The following LIN7A variants were observed in gnomAD, a reference collection of about 807,000 sequenced individuals.
LIN7A encodes lin-7 cell polarity scaffold A.
LIN7A carries 25 observed loss-of-function variants against 29.8 expected under a neutral mutation model. The ratio of observed to expected loss-of-function variants is 0.84; its 90% CI spans 0.61 to 1.17. The LOEUF (loss-of-function observed/expected upper bound fraction) is 1.17, where lower values mean the gene tolerates loss of function less well. LIN7A is among the 50% of genes most tolerant of loss of function. The pLI, the probability that LIN7A is intolerant of heterozygous loss-of-function variation, is 0.00. For synonymous variants in LIN7A, 118 were observed against 107.5 expected, an observed-to-expected ratio of 1.10 and a Z score of -0.60; for missense variants, 239 against 287.0, an observed-to-expected ratio of 0.83 and a Z score of 1.21.
At chr12:80,905,691 C>T (rs1426393967) in intron 1 of LIN7A, among the ~76,000 whole-genome samples, 1 of 152,114 alleles carries the variant, frequency 6.6e-6, no homozygotes, top group Non-Finnish European at 1.5e-5. Context: ...GTTTAGGATG[C>T]TAATGGCATC....
chr12:80,831,142 A>C (rs1163941812), intron 4 of LIN7A, among the ~76,000 whole-genome samples: 1 of 152,204 alleles, frequency 6.6e-6, no homozygotes, highest in African/African-American at 2.4e-5. Context: ...TAGATGCCTA[A>C]TAAATGCTTA....
chr12:80,845,945 A>G lies in LIN7A; in HGVS notation c.274-6T>C. On this transcript the variant is annotated splice_region_variant and splice_polypyrimidine_tract_variant and intron_variant, in intron 3 of 5. Coordinates refer to ENST00000552864, the MANE Select transcript of LIN7A (RefSeq NM_004664.4). ...GCAAAAGCTGCAACTGTTGCCTGAA[A>G]AAAAAAAAAAAAGATGGTCTTTTGG... is the stretch of plus-strand genomic sequence containing the variant. 7.2e-7 allele frequency: 1 copy of G among 1,381,858 alleles called. No homozygotes were observed. The highest frequency in any genetic ancestry group is 9.7e-7 in the Non-Finnish European group (1 of 1,025,728). The allele number at this position is 1,381,858 out of a possible 1,614,324, so 85.6% of individuals were successfully genotyped here.
At chr12:80,864,027 T>C (rs1265072289) in intron 2 of LIN7A, among the ~76,000 whole-genome samples, 1 of 152,160 alleles carries the variant, frequency 6.6e-6, no homozygotes, top group Non-Finnish European at 1.5e-5. Flanking sequence ...TGAAATTTCA[T>C]GTAATTTTTA....
intron 1 of LIN7A, among the ~76,000 whole-genome samples, chr12:80,893,173 CT>C (rs1750317477): frequency 6.6e-6 from 1 of 151,978 alleles, no homozygotes; most frequent in African/African-American, 2.4e-5. Flanking sequence ...CTCTATTATT[CT>C]TTAATACAGT....
At chr12:80,891,022 T>TC (rs1306048713) in intron 1 of LIN7A, among the ~76,000 whole-genome samples, 7 of 151,952 alleles carry the variant, frequency 4.6e-5, no homozygotes, top group Non-Finnish European at 1.0e-4. Flanking sequence ...TAAAAATTTC[T>TC]CCCCCCAAAC....
chr12:80,856,547 A>T (rs1244861239), intron 2 of LIN7A, among the ~76,000 whole-genome samples: 2 of 152,174 alleles, frequency 1.3e-5, no homozygotes, highest in Non-Finnish European at 2.9e-5. Flanking sequence ...AAAACAAATG[A>T]ACTCTCCAGT....
chr12:80,869,808 T>G (rs1874337618), intron 2 of LIN7A, among the ~76,000 whole-genome samples: 2 of 152,088 alleles, frequency 1.3e-5, no homozygotes, highest in South Asian at 4.2e-4. Context: ...AAGGCAACAC[T>G]TGAATGCTCT....
chr12:80,894,705 C>T (rs1450033841), intron 1 of LIN7A, among the ~76,000 whole-genome samples: 2 of 152,048 alleles, frequency 1.3e-5, no homozygotes, highest in Non-Finnish European at 2.9e-5. Context: ...GATTCTGATG[C>T]AGGAAGTGGT....
chr12:80,877,686 A>T (rs992948049), intron 2 of LIN7A, among the ~76,000 whole-genome samples: 1 of 152,156 alleles, frequency 6.6e-6, no homozygotes, highest in Non-Finnish European at 1.5e-5. Flanking sequence ...ATTATGAATG[A>T]TACTAAATTC....
chr12:80,905,197 T>A (rs990407493), intron 1 of LIN7A, among the ~76,000 whole-genome samples: 16 of 152,016 alleles, frequency 1.1e-4, no homozygotes, highest in African/African-American at 3.9e-4. Context: ...AGGATTTTTT[T>A]TTTTTCTTTT....
chr12:80,931,859 A>G (rs544352859), intron 1 of LIN7A, among the ~76,000 whole-genome samples: 84 of 152,330 alleles, frequency 5.5e-4, no homozygotes, highest in Non-Finnish European at 9.8e-4. Flanking sequence ...GACAAGAGAC[A>G]TAAAATATAG....
intron 2 of LIN7A, among the ~76,000 whole-genome samples, chr12:80,868,102 C>T (rs1346616297): frequency 6.6e-6 from 1 of 152,212 alleles, no homozygotes; most frequent in Admixed American, 6.5e-5. Context: ...AACTTGACTG[C>T]ACCTTGGTAG....
chr12:80,931,977 G>T (rs544600662), intron 1 of LIN7A, among the ~76,000 whole-genome samples: 7 of 152,204 alleles, frequency 4.6e-5, no homozygotes, highest in African/African-American at 1.7e-4. Context: ...ATCTTTCTCC[G>T]TGTCAAATTA....
At chr12:80,915,076 G>C (rs1260281568) in intron 1 of LIN7A, among the ~76,000 whole-genome samples, 1 of 151,042 alleles carries the variant, frequency 6.6e-6, no homozygotes, top group Non-Finnish European at 1.5e-5. Context: ...CTTACAGAAT[G>C]GGAGAAAATA....
At chr12:80,835,519 G>T (rs1045811639) in intron 4 of LIN7A, among the ~76,000 whole-genome samples, 1 of 152,096 alleles carries the variant, frequency 6.6e-6, no homozygotes, top group African/African-American at 2.4e-5. Context: ...AAAAAGCAGA[G>T]GAGATGACTT....
rs149627644 is a variant in LIN7A at position 80,799,210 on chromosome 12, G to C, written c.*1-1484C>G. 6.9e-3 allele frequency among the ~76,000 whole-genome samples: 1,046 copies of C among 152,302 alleles called. 10 individuals carry two copies. The highest frequency in any genetic ancestry group is 0.019 in the African/African-American group (810 of 41,566). ...GGGCCACTGACATACCTGTTGGGAAGAACCAGCTGCAACAAATGTTAGTAT... is the reference window on the plus strand; with the variant it reads ...GGGCCACTGACATACCTGTTGGGAACAACCAGCTGCAACAAATGTTAGTAT... On this transcript the variant is annotated intron_variant, in intron 5 of 5. Transcript: ENST00000552864.
chr12:80,840,934 C>T (rs188285035), intron 4 of LIN7A, among the ~76,000 whole-genome samples: 1 of 152,258 alleles, frequency 6.6e-6, no homozygotes, highest in East Asian at 1.9e-4. Context: ...ATGATTTAGT[C>T]TTTCTCCATT....
chr12:80,830,221 T>C (rs1037642854), intron 4 of LIN7A, among the ~76,000 whole-genome samples: 4 of 152,218 alleles, frequency 2.6e-5, no homozygotes, highest in African/African-American at 9.6e-5. Flanking sequence ...GCAATGATTA[T>C]AAGCACTAAC....
intron 4 of LIN7A, among the ~76,000 whole-genome samples, chr12:80,835,589 TA>T (rs1486397800): frequency 6.6e-6 from 1 of 152,172 alleles, no homozygotes; most frequent in East Asian, 1.9e-4. Context: ...AAAAGACTAT[TA>T]TCTGATTTAA....
Sources: allele counts gnomAD v4.1 joint callset (sites outside exome capture counted in the v4.1 genomes callset), GRCh38; gene constraint gnomAD v4.1.1; transcripts MANE v1.5; gene names NCBI Gene and HGNC (gene_info 2026-07-23, HGNC 2026-07-21).